The following SLC9B1 variants were observed in gnomAD, a reference collection of about 807,000 sequenced individuals.
SLC9B1 encodes sodium/hydrogen exchanger 9B1.
Under a neutral mutation model 51.7 loss-of-function variants are expected in SLC9B1, and 32 were observed. The observed-to-expected ratio is 0.62, with a 90% CI of 0.47 to 0.83. SLC9B1 has a LOEUF of 0.83. Ranked by LOEUF, SLC9B1 falls within the 40% of genes least tolerant of loss-of-function variation. SLC9B1 has a pLI of 0.00. For synonymous variants in SLC9B1, 145 were observed against 212.7 expected, an observed-to-expected ratio of 0.68 and a Z score of 2.77; for missense variants, 406 against 613.2, an observed-to-expected ratio of 0.66 and a Z score of 3.57.
At chr4:102,976,708 C>T (rs1026543533) in intron 3 of SLC9B1, among the ~76,000 whole-genome samples, 2 of 152,074 alleles carry the variant, frequency 1.3e-5, no homozygotes, top group Admixed American at 6.5e-5. Context: ...GATATAGCAA[C>T]GTGAAGTCAA....
intron 1 of SLC9B1, among the ~76,000 whole-genome samples, chr4:102,993,785 G>C (rs1471030707): frequency 6.6e-6 from 1 of 152,216 alleles, no homozygotes; most frequent in Non-Finnish European, 1.5e-5. Flanking sequence ...CCAAAGCTCA[G>C]TTCCTGAGTT....
At chr4:102,924,926 GAGAAAT>G (rs1357492822) in intron 7 of SLC9B1, among the ~76,000 whole-genome samples, 1 of 152,188 alleles carries the variant, frequency 6.6e-6, no homozygotes, top group Non-Finnish European at 1.5e-5. Context: ...AGAGGTTATG[GAGAAAT>G]AGGAATGCTT....
intron 7 of SLC9B1, among the ~76,000 whole-genome samples, chr4:102,918,197 T>G (rs1735684164): frequency 6.6e-6 from 1 of 151,278 alleles, no homozygotes; most frequent in African/African-American, 2.4e-5. Context: ...AAGACTCAAC[T>G]TCTTTTAGGA....
intron 7 of SLC9B1, among the ~76,000 whole-genome samples, chr4:102,927,377 T>G (rs1443377769): frequency 6.6e-6 from 1 of 151,844 alleles, no homozygotes; most frequent in Non-Finnish European, 1.5e-5. Context: ...TCAAACAAAT[T>G]TACAAGAAAA....
At chr4:102,950,605 G>T (rs748224500) in intron 3 of SLC9B1, among the ~76,000 whole-genome samples, 1 of 152,146 alleles carries the variant, frequency 6.6e-6, no homozygotes, top group Non-Finnish European at 1.5e-5. Context: ...ACTCACTCCA[G>T]GCAGAAAGTT....
intron 1 of SLC9B1, among the ~76,000 whole-genome samples, chr4:103,014,638 G>C (rs1741230314): frequency 6.6e-6 from 1 of 152,108 alleles, no homozygotes; most frequent in Non-Finnish European, 1.5e-5. Flanking sequence ...GCCTAACATA[G>C]TATATAGTAG....
In SLC9B1 at chr4:102,991,697, T is replaced by C; in HGVS notation, c.15A>G (p.Glu5=). The C allele has an allele frequency of 6.3e-7, 1 of 1,584,992 alleles. No homozygotes were observed. The highest frequency in any genetic ancestry group is 8.6e-7 in the Non-Finnish European group (1 of 1,163,416). ...CATCCTCCAAATGTTCATTTTTTGA[T>C]TCTGTGGTATGCATGCTAAGATTTA... MHTT[E]SKNEHLEDEN... is the part of the protein sequence containing the mutation. The change falls in exon 2 of 12, where the codon GAA becomes GAG. Residue 5 remains glutamate, a synonymous_variant. Transcript: ENST00000296422.
intron 7 of SLC9B1, among the ~76,000 whole-genome samples, chr4:102,917,810 C>A (rs1386573563): frequency 2.0e-5 from 3 of 152,140 alleles, no homozygotes; most frequent in African/African-American, 7.2e-5. Flanking sequence ...TGGCTCACGA[C>A]TGTAATCCCA....
At chr4:102,990,661 TGGGTGGGTGTGG>T (rs889209341) in intron 2 of SLC9B1, among the ~76,000 whole-genome samples, 15 of 128,456 alleles carry the variant, frequency 1.2e-4, no homozygotes, top group African/African-American at 4.3e-4. Context: ...TTGTCATGGG[TGGGTGGGTGTGG>T]GGGTGTGTGT....
At chr4:102,997,610 G>GAC in intron 1 of SLC9B1, among the ~76,000 whole-genome samples, 1 of 152,056 alleles carries the variant, frequency 6.6e-6, no homozygotes, top group Non-Finnish European at 1.5e-5. Context: ...GCAAATATAA[G>GAC]TTTTATTTCT....
intron 9 of SLC9B1, among the ~76,000 whole-genome samples, chr4:102,910,206 T>A (rs1253262211): frequency 1.3e-5 from 2 of 152,138 alleles, no homozygotes; most frequent in African/African-American, 4.8e-5. Flanking sequence ...TAATATTATA[T>A]AAAACTTGGG....
At chr4:102,909,959 AC>A (rs988283503) in intron 9 of SLC9B1, among the ~76,000 whole-genome samples, 8 of 151,830 alleles carry the variant, frequency 5.3e-5, no homozygotes, top group South Asian at 4.2e-4. Flanking sequence ...GGTGCCCACC[AC>A]CACACCACCA....
chr4:102,894,334 T>C (rs1486661560), intron 11 of SLC9B1, among the ~76,000 whole-genome samples: 1 of 152,200 alleles, frequency 6.6e-6, no homozygotes, highest in Non-Finnish European at 1.5e-5. Flanking sequence ...TTATTAAAGA[T>C]TATCTTGGAG....
At chr4:102,988,786 A>G (rs1739795468) in intron 3 of SLC9B1, among the ~76,000 whole-genome samples, 1 of 152,138 alleles carries the variant, frequency 6.6e-6, no homozygotes, top group Non-Finnish European at 1.5e-5. Context: ...AAAGGGGGAA[A>G]TGAGTTATAT....
At chr4:102,999,054 G>C (rs1740378513) in intron 1 of SLC9B1, among the ~76,000 whole-genome samples, 1 of 152,126 alleles carries the variant, frequency 6.6e-6, no homozygotes, top group African/African-American at 2.4e-5. Flanking sequence ...GGGTCTTGCT[G>C]TGTAGCCCAG....
At chr4:102,994,427 A>C (rs1203195931) in intron 1 of SLC9B1, among the ~76,000 whole-genome samples, 1 of 152,204 alleles carries the variant, frequency 6.6e-6, no homozygotes, top group Non-Finnish European at 1.5e-5. Flanking sequence ...TATCACCATC[A>C]GCATTTTGGT....
rs13137533 is a variant in SLC9B1 at position 102,924,585 on chromosome 4, C to T, written c.829+7539G>A. ...ATCTAATTAAACTAGAGAGCTTCTG[C>T]ACAGCAAAAGAAACTACCATCAGAG... On this transcript the variant is annotated intron_variant, in intron 7 of 11. Transcript: ENST00000296422. Among the ~76,000 whole-genome samples, 9 of 152,256 alleles carry T rather than the reference C, an allele frequency of 5.9e-5. 1 individual carries two copies. The South Asian group carries it at 1.2e-3, about 21-fold the overall frequency.
intron 3 of SLC9B1, among the ~76,000 whole-genome samples, chr4:102,981,501 C>T (rs1336004866): frequency 6.6e-6 from 1 of 152,122 alleles, no homozygotes; most frequent in African/African-American, 2.4e-5. Context: ...TTGCTCCGTA[C>T]CCTTGCCAAG....
At chr4:102,937,478 G>C (rs1195646722) in intron 6 of SLC9B1, among the ~76,000 whole-genome samples, 1 of 137,636 alleles carries the variant, frequency 7.3e-6, no homozygotes, top group African/African-American at 2.7e-5. Context: ...TGTAATCCCA[G>C]CACTTTGGGA....
Sources: gnomAD v4.1 joint callset for allele counts (sites outside exome capture counted in the v4.1 genomes callset) on GRCh38, gnomAD v4.1.1 for gene constraint, MANE v1.5 for transcripts, NCBI Gene and HGNC (gene_info 2026-07-23, HGNC 2026-07-21) for gene names.